The following DPP10 variants were observed in gnomAD, a reference collection of about 807,000 sequenced individuals.
DPP10 encodes the protein inactive dipeptidyl peptidase 10.
DPP10 carries 33 observed loss-of-function variants against 120.9 expected under a neutral mutation model. That is an observed-to-expected ratio of 0.27 (90% confidence interval 0.21 to 0.37). DPP10 has a LOEUF of 0.37. Among genes scored for constraint, DPP10 ranks in the 10% least tolerant of loss-of-function variants. The pLI, the probability that DPP10 is intolerant of heterozygous loss-of-function variation, is 1.00. For missense variants in DPP10, 816 were observed against 942.8 expected (o/e 0.87, Z 1.76); for synonymous variants, 337 against 326.1 (o/e 1.03, Z -0.36).
intron 1 of DPP10, among the ~76,000 whole-genome samples, chr2:114,602,252 G>T (rs564577235): frequency 1.5e-4 from 23 of 151,756 alleles, no homozygotes; most frequent in African/African-American, 4.8e-4. Flanking sequence ...AGTATATAAA[G>T]GTTTTTCTAG....
intron 1 of DPP10, among the ~76,000 whole-genome samples, chr2:115,154,377 T>A (rs961354709): frequency 2.0e-5 from 3 of 152,200 alleles, no homozygotes; most frequent in African/African-American, 7.2e-5. Flanking sequence ...TATGTGGCTT[T>A]TACTTAATGT....
chr2:115,254,957 G>A (rs934721609), intron 1 of DPP10, among the ~76,000 whole-genome samples: 5 of 152,160 alleles, frequency 3.3e-5, no homozygotes, highest in Admixed American at 1.3e-4. Flanking sequence ...CAAGCTGTCA[G>A]TGGATCTGCC....
chr2:114,536,694 C>T (rs964077271), intron 1 of DPP10, among the ~76,000 whole-genome samples: 14 of 152,292 alleles, frequency 9.2e-5, no homozygotes, highest in African/African-American at 3.4e-4. Flanking sequence ...TGTGAGCCAC[C>T]ATGCTTGGCC....
At chr2:114,535,097 A>AAG (rs1043005897) in intron 1 of DPP10, among the ~76,000 whole-genome samples, 10 of 151,766 alleles carry the variant, frequency 6.6e-5, no homozygotes, top group Non-Finnish European at 1.2e-4. Context: ...TTCTACAAAA[A>AAG]AAAACATTGT....
intron 1 of DPP10, among the ~76,000 whole-genome samples, chr2:114,774,684 C>G (rs1681574016): frequency 6.7e-6 from 1 of 149,610 alleles, no homozygotes; most frequent in Non-Finnish European, 1.5e-5. Context: ...TATATATACT[C>G]TATAGTTACA....
At chr2:114,489,791 A>G (rs918054616) in intron 1 of DPP10, among the ~76,000 whole-genome samples, 3 of 152,172 alleles carry the variant, frequency 2.0e-5, no homozygotes, top group Admixed American at 6.5e-5. Context: ...CGTAAAATAC[A>G]TAAGCCTAGG....
intron 5 of DPP10, among the ~76,000 whole-genome samples, chr2:115,668,159 G>T (rs1370255487): frequency 4.0e-5 from 6 of 150,966 alleles, no homozygotes; most frequent in Non-Finnish European, 8.9e-5. Context: ...CCTTTTTTTT[G>T]GTAAGCCCTT....
chr2:115,154,718 G>T (rs771592772), intron 1 of DPP10, among the ~76,000 whole-genome samples: 2 of 151,846 alleles, frequency 1.3e-5, no homozygotes, highest in Non-Finnish European at 2.9e-5. Context: ...GGAGACTGAT[G>T]TAGACCCCTA....
At chr2:115,581,576 A>G (rs181305737) in intron 5 of DPP10, among the ~76,000 whole-genome samples, 1 of 152,234 alleles carries the variant, frequency 6.6e-6, no homozygotes, top group Non-Finnish European at 1.5e-5. Context: ...TAAATAAACC[A>G]ATGCTGGCCC....
chr2:115,208,850 A>G (rs1417687865), intron 1 of DPP10, among the ~76,000 whole-genome samples: 4 of 152,168 alleles, frequency 2.6e-5, no homozygotes, highest in Non-Finnish European at 4.4e-5. Context: ...CTGGAAGTGT[A>G]CATTTAGGAG....
chr2:114,771,879 T>C (rs1235746008), intron 1 of DPP10, among the ~76,000 whole-genome samples: 1 of 152,138 alleles, frequency 6.6e-6, no homozygotes, highest in Non-Finnish European at 1.5e-5. Context: ...CTTTAGATTT[T>C]TTTTTCCAAG....
chr2:114,835,101 G>A (rs1420681730), intron 1 of DPP10: 1 of 150,068 alleles, frequency 6.7e-6, no homozygotes, highest in Non-Finnish European at 1.5e-5. Context: ...GTATATATAA[G>A]CCATATCTAC....
At chr2:114,900,356 A>G (rs1283005273) in intron 1 of DPP10, among the ~76,000 whole-genome samples, 1 of 152,242 alleles carries the variant, frequency 6.6e-6, no homozygotes, top group Non-Finnish European at 1.5e-5. Context: ...TATTCCTACC[A>G]ACAGATTATG....
chr2:114,846,065 G>T lies in DPP10; in HGVS notation c.60+403227G>T, dbSNP rs141140409. 9.4e-4 allele frequency among the ~76,000 whole-genome samples: 143 copies of T among 151,804 alleles called. 1 individual carries two copies. Among genetic ancestry groups the T allele is most frequent in the African/African-American group, 3.4e-3 (139 of 41,402 alleles). ...AAACAAGAAACAGGCTGTGCTAATA[G>T]AACCAAGCTAGGGGATATTTCAATT... is the stretch of plus-strand genomic sequence containing the variant. On this transcript the variant is annotated intron_variant, in intron 1 of 25. Coordinates refer to ENST00000410059, the MANE Select transcript of DPP10 (RefSeq NM_020868.6).
At chr2:115,353,392 C>T (rs760101447) in intron 3 of DPP10, among the ~76,000 whole-genome samples, 4 of 152,060 alleles carry the variant, frequency 2.6e-5, no homozygotes, top group Non-Finnish European at 5.9e-5. Context: ...TTGAGTAACT[C>T]AGTATTGGCA....
intron 5 of DPP10, among the ~76,000 whole-genome samples, chr2:115,677,436 T>A (rs2090350951): frequency 6.6e-6 from 1 of 151,974 alleles, no homozygotes; most frequent in Non-Finnish European, 1.5e-5. Context: ...AATAACTGAC[T>A]AGCATGTAAA....
In DPP10 at chr2:115,458,420, A is replaced by G. The variant is rs200643524; in HGVS notation, c.272-41090A>G. On this transcript the variant is annotated intron_variant, in intron 3 of 25. Coordinates refer to ENST00000410059, the MANE Select transcript of DPP10 (RefSeq NM_020868.6). ...TTTAGACACTACTTTTGATCGAAATAACATATATAAGCTATTTAGACTTAA... is the reference window on the plus strand; with the variant it reads ...TTTAGACACTACTTTTGATCGAAATGACATATATAAGCTATTTAGACTTAA... Among the ~76,000 whole-genome samples, 37 of 152,286 alleles carry G rather than the reference A, an allele frequency of 2.4e-4. 1 individual carries two copies. In the East Asian group the frequency reaches 4.2e-3, roughly 17 times the overall value.
chr2:115,472,661 C>T (rs916606403), intron 3 of DPP10, among the ~76,000 whole-genome samples: 1 of 152,126 alleles, frequency 6.6e-6, no homozygotes, highest in African/African-American at 2.4e-5. Context: ...ATTTGCCTAC[C>T]TGCCCCATTC....
intron 1 of DPP10, among the ~76,000 whole-genome samples, chr2:115,277,779 A>G (rs755755750): frequency 3.9e-5 from 6 of 152,106 alleles, no homozygotes; most frequent in Non-Finnish European, 5.9e-5. Flanking sequence ...AATATATCAC[A>G]TATGTAAAAT....
Sources: gnomAD v4.1 joint callset for allele counts (sites outside exome capture counted in the v4.1 genomes callset) on GRCh38, gnomAD v4.1.1 for gene constraint, MANE v1.5 for transcripts, NCBI Gene and HGNC (gene_info 2026-07-23, HGNC 2026-07-21) for gene names.